The following GABRB3 variants were observed in gnomAD, a reference collection of about 807,000 sequenced individuals.
GABRB3 encodes gamma-aminobutyric acid receptor subunit beta-3.
In GABRB3, 14 loss-of-function variants were observed where a neutral mutation model predicts 52.1. The ratio of observed to expected loss-of-function variants is 0.27; its 90% CI spans 0.18 to 0.42. GABRB3 has a LOEUF of 0.42. Among genes scored for constraint, GABRB3 ranks in the 10% least tolerant of loss-of-function variants. The pLI, the probability that GABRB3 is intolerant of heterozygous loss-of-function variation, is 1.00. For synonymous variants in GABRB3, 260 were observed against 232.3 expected (o/e 1.12, Z -1.08); for missense variants, 307 against 609.1 (o/e 0.50, Z 5.22).
chr15:26,591,482 G>A (rs1934662381), intron 4 of GABRB3, among the ~76,000 whole-genome samples: 1 of 152,184 alleles, frequency 6.6e-6, no homozygotes, highest in African/African-American at 2.4e-5. Context: ...AAATGAGACA[G>A]GCCCAATGTA....
At chr15:26,710,981 A>G (rs1276746790) in intron 3 of GABRB3, among the ~76,000 whole-genome samples, 1 of 151,438 alleles carries the variant, frequency 6.6e-6, no homozygotes, top group African/African-American at 2.4e-5. Flanking sequence ...ATCTCCTTTA[A>G]TCTAAGCACA....
intron 3 of GABRB3, among the ~76,000 whole-genome samples, chr15:26,644,173 G>A (rs1245559325): frequency 6.6e-6 from 1 of 152,132 alleles, no homozygotes; most frequent in Non-Finnish European, 1.5e-5. Flanking sequence ...GGTTTTATTT[G>A]GAAAGCCTTG....
intron 3 of GABRB3, chr15:26,642,462 A>G (rs770158925): frequency 5.4e-5 from 69 of 1,288,272 alleles, no homozygotes; most frequent in Non-Finnish European, 6.3e-5. Flanking sequence ...TGGAAAGGAA[A>G]AAATGAATCT....
intron 3 of GABRB3, among the ~76,000 whole-genome samples, chr15:26,632,939 G>C (rs1892950248): frequency 6.6e-6 from 1 of 152,130 alleles, no homozygotes; most frequent in Non-Finnish European, 1.5e-5. Flanking sequence ...CCTGAAAGAA[G>C]ACCCTCCAGA....
At position 26,545,423 on chromosome 15, in the gene GABRB3, T is replaced by C. The variant is rs560520757; in HGVS notation, c.*2370A>G. The C allele has an allele frequency of 1.0e-4, 16 of 152,718 alleles. No homozygotes were observed. The South Asian group carries it at 1.2e-3, about 12-fold the overall frequency. 9.5% of individuals were successfully genotyped at this position (152,718 alleles called of 1,614,324 possible). A position where few individuals can be genotyped will look rare whatever the true frequency, so the allele number is the denominator to read the frequency against. On this transcript the variant is annotated 3_prime_UTR_variant, in exon 9 of 9. Coordinates refer to ENST00000311550, the MANE Select transcript of GABRB3 (RefSeq NM_000814.6). The stretch of plus-strand genomic sequence containing the variant: ...CCCATGGGGTCTCTGCCTTTGATAT[T>C]TGGGTACCTCAACTATGCATCAAAA...
At chr15:26,645,486 T>C (rs1013107157) in intron 3 of GABRB3, among the ~76,000 whole-genome samples, 4 of 151,944 alleles carry the variant, frequency 2.6e-5, no homozygotes, top group South Asian at 2.1e-4. Context: ...TTATGGACAG[T>C]TGTGTCCCCA....
chr15:26,674,125 G>A (rs1301614165), intron 3 of GABRB3, among the ~76,000 whole-genome samples: 2 of 151,416 alleles, frequency 1.3e-5, no homozygotes, highest in African/African-American at 4.9e-5. Flanking sequence ...GAGCTAGCAG[G>A]GCGCAGTGGC....
At chr15:26,595,818 C>A (rs1050360685) in intron 4 of GABRB3, among the ~76,000 whole-genome samples, 1 of 152,160 alleles carries the variant, frequency 6.6e-6, no homozygotes, top group Non-Finnish European at 1.5e-5. Flanking sequence ...CAGATTCACA[C>A]AGCATTCTTG....
At chr15:26,643,622 C>CTG (rs57144395) in intron 3 of GABRB3, among the ~76,000 whole-genome samples, 26,351 of 149,440 alleles carry the variant, frequency 0.18, 2,428 homozygotes, top group Middle Eastern at 0.23. Context: ...TTTCATGACA[C>CTG]TGTGTGTGTG....
chr15:26,571,649 C>CT (rs1357881605), intron 6 of GABRB3, among the ~76,000 whole-genome samples: 4 of 152,270 alleles, frequency 2.6e-5, no homozygotes, highest in African/African-American at 9.6e-5. Context: ...CATTAGGGAC[C>CT]TTGAAGAAGA....
chr15:26,764,285 C>G (rs147401168), intron 3 of GABRB3, among the ~76,000 whole-genome samples: 125 of 132,396 alleles, frequency 9.4e-4, no homozygotes, highest in African/African-American at 3.5e-3. Context: ...AAAAGGAATT[C>G]TTTTATTGTA....
chr15:26,624,191 C>A, intron 3 of GABRB3: 1 of 985,328 alleles, frequency 1.0e-6, no homozygotes, highest in Non-Finnish European at 1.2e-6. Context: ...CATATTCCGC[C>A]CCTTCATCAC....
intron 3 of GABRB3, among the ~76,000 whole-genome samples, chr15:26,748,917 T>A (rs1043636201): frequency 1.3e-5 from 2 of 152,000 alleles, no homozygotes; most frequent in African/African-American, 4.8e-5. Flanking sequence ...TCCCAGCTAG[T>A]TGGGAGGCTG....
chr15:26,552,143 G>A (rs955779425), intron 8 of GABRB3, among the ~76,000 whole-genome samples: 4 of 152,128 alleles, frequency 2.6e-5, no homozygotes, highest in Non-Finnish European at 5.9e-5. Context: ...AAGTAGCTGG[G>A]ATTACAGGCA....
intron 4 of GABRB3, among the ~76,000 whole-genome samples, chr15:26,594,240 A>T (rs1217628951): frequency 6.6e-6 from 1 of 151,746 alleles, no homozygotes; most frequent in African/African-American, 2.4e-5. Flanking sequence ...TCCTTTGACT[A>T]AGCCATGTTT....
intron 3 of GABRB3, among the ~76,000 whole-genome samples, chr15:26,672,492 T>C (rs551144604): frequency 2.0e-5 from 3 of 152,274 alleles, no homozygotes; most frequent in Admixed American, 6.5e-5. Context: ...AGCTCTCAAA[T>C]CTCACCTCTC....
chr15:26,600,736 T>A (rs1027748519), intron 4 of GABRB3, among the ~76,000 whole-genome samples: 3 of 152,210 alleles, frequency 2.0e-5, no homozygotes, highest in African/African-American at 7.2e-5. Context: ...TACAGGGAAT[T>A]CTTTAAACTG....
At chr15:26,759,229 T>C (rs1260981282) in intron 3 of GABRB3, among the ~76,000 whole-genome samples, 1 of 151,364 alleles carries the variant, frequency 6.6e-6, no homozygotes, top group East Asian at 1.9e-4. Context: ...TTAATAAGAC[T>C]AGGAATAAAA....
chr15:26,678,408 C>T (rs940730100), intron 3 of GABRB3, among the ~76,000 whole-genome samples: 6 of 152,188 alleles, frequency 3.9e-5, no homozygotes, highest in African/African-American at 1.4e-4. Flanking sequence ...CACCTGACTG[C>T]AGAGTGCGGG....
Sources: gnomAD v4.1 joint callset for allele counts (sites outside exome capture counted in the v4.1 genomes callset) on GRCh38, gnomAD v4.1.1 for gene constraint, MANE v1.5 for transcripts, NCBI Gene and HGNC (gene_info 2026-07-23, HGNC 2026-07-21) for gene names.